DYNC1I2: variants seen among roughly 807,000 people sequenced by gnomAD.
DYNC1I2 encodes the protein dynein cytoplasmic 1 intermediate chain 2, also known as cytoplasmic dynein 1 intermediate chain 2.
DYNC1I2 carries 53 observed loss-of-function variants against 88.6 expected under a neutral mutation model. That is an observed-to-expected ratio of 0.60 (90% CI 0.48 to 0.75). The LOEUF (loss-of-function observed/expected upper bound fraction) is 0.75, where lower values mean the gene tolerates loss of function less well. Among genes scored for constraint, DYNC1I2 ranks in the 30% least tolerant of loss-of-function variants. DYNC1I2 has a pLI of 0.00. For synonymous variants in DYNC1I2, 198 were observed against 254.6 expected, an observed-to-expected ratio of 0.78 and a Z score of 2.12; for missense variants, 458 against 766.6, an observed-to-expected ratio of 0.60 and a Z score of 4.75.
chr2:171,745,852 G>T lies in DYNC1I2; in HGVS notation c.1728G>T (p.Val576=). 2 of 1,613,874 alleles carry T rather than the reference G, an allele frequency of 1.2e-6. No homozygotes were observed. Among genetic ancestry groups the T allele is most frequent in the South Asian group, 2.2e-5 (2 of 91,074 alleles). The change falls in exon 17 of 18, where the codon GTG becomes GTT. Residue 576 remains valine, a synonymous_variant. Transcript: ENST00000397119. ...AGGGTAATCCTGCTCTTAATCGTGTGAGATGGACCCATTCTGGCAGAGAGA... is the reference window on the plus strand; with the variant it reads ...AGGGTAATCCTGCTCTTAATCGTGTTAGATGGACCCATTCTGGCAGAGAGA... ...SVEGNPALNR[V]RWTHSGREIA...
At chr2:171,713,922 C>T (rs1474688040) in intron 6 of DYNC1I2, among the ~76,000 whole-genome samples, 1 of 152,126 alleles carries the variant, frequency 6.6e-6, no homozygotes, top group Non-Finnish European at 1.5e-5. Flanking sequence ...GTATTACTTC[C>T]CTACCCACCT....
intron 4 of DYNC1I2, 59 bp from the exon 5 acceptor site, chr2:171,707,228 A>G (rs755428047): frequency 2.5e-6 from 4 of 1,612,510 alleles, no homozygotes; most frequent in Non-Finnish European, 1.7e-6. Flanking sequence ...TTGAAACGTC[A>G]TAAGCTGAGC....
chr2:171,714,528 C>T (rs1332257783), intron 6 of DYNC1I2, among the ~76,000 whole-genome samples: 1 of 152,068 alleles, frequency 6.6e-6, no homozygotes, highest in Non-Finnish European at 1.5e-5. Context: ...AGGATTTAAA[C>T]ATCTAATAAA....
In DYNC1I2 at chr2:171,728,552, A is replaced by G. The variant is rs549518790; in HGVS notation, c.1257+134A>G. On this transcript the variant is annotated intron_variant, in intron 13 of 17. Coordinates refer to ENST00000397119, the MANE Select transcript of DYNC1I2 (RefSeq NM_001378.3). ...GCTTATAAGCTGAAACGTGTTTAAT[A>G]TAAGTTTGTTTCATATATATATATT... 99 of 810,534 alleles carry G rather than the reference A, an allele frequency of 1.2e-4. No homozygotes were observed. In the African/African-American group the frequency reaches 1.7e-3, roughly 14 times the overall value. The allele number at this position is 810,534 out of a possible 1,614,324, so 50.2% of individuals were successfully genotyped here. A position where few individuals can be genotyped will look rare whatever the true frequency, so the allele number is the denominator to read the frequency against.
intron 7 of DYNC1I2, among the ~76,000 whole-genome samples, chr2:171,723,777 C>G (rs866232251): frequency 6.6e-6 from 1 of 152,086 alleles, no homozygotes; most frequent in African/African-American, 2.4e-5. Context: ...GTGTTCTTTC[C>G]CCTTTGCACC....
At chr2:171,726,698 C>A in intron 10 of DYNC1I2, 93 bp from the exon 11 acceptor site, 1 of 1,434,394 alleles carries the variant, frequency 7.0e-7, no homozygotes, top group Non-Finnish European at 9.4e-7. Context: ...TTTGTATTTG[C>A]AGAATAATAA....
chr2:171,739,696 C>CTTTT (rs201750115), intron 15 of DYNC1I2, among the ~76,000 whole-genome samples: 3 of 65,038 alleles, frequency 4.6e-5, no homozygotes, highest in African/African-American at 5.7e-5. Flanking sequence ...TGACATATCT[C>CTTTT]TTTTTTTTTT....
chr2:171,726,743 GTTCTTATTATGCATAGCA>G, intron 10 of DYNC1I2, 30 bp from the exon 11 acceptor site: 2 of 1,601,216 alleles, frequency 1.2e-6, no homozygotes, highest in Non-Finnish European at 1.7e-6. Flanking sequence ...TTATAAAACA[GTTCTTATTATGCATAGCA>G]TTTCTTTTCT....
intron 17 of DYNC1I2, among the ~76,000 whole-genome samples, chr2:171,747,444 C>A (rs1253402141): frequency 6.6e-6 from 1 of 151,646 alleles, no homozygotes; most frequent in African/African-American, 2.4e-5. Flanking sequence ...TGCAAGAATA[C>A]AGTAAAAAAA....
chr2:171,738,914 C>G (rs536827010), intron 15 of DYNC1I2, among the ~76,000 whole-genome samples: 1 of 152,090 alleles, frequency 6.6e-6, no homozygotes, highest in South Asian at 2.1e-4. Context: ...TTTGGGAGGC[C>G]AAGGCAGGTG....
intron 15 of DYNC1I2, 91 bp from the exon 16 acceptor site, chr2:171,743,958 G>GA (rs1386514679): frequency 8.6e-7 from 1 of 1,157,762 alleles, no homozygotes; most frequent in African/African-American, 1.6e-5. Context: ...CATACCTGTT[G>GA]AATGTATGTC....
At chr2:171,740,877 C>A (rs777811596) in intron 15 of DYNC1I2, among the ~76,000 whole-genome samples, 1 of 152,116 alleles carries the variant, frequency 6.6e-6, no homozygotes, top group Non-Finnish European at 1.5e-5. Context: ...CACAGAGGCA[C>A]GCCTAATTGC....
intron 7 of DYNC1I2, among the ~76,000 whole-genome samples, chr2:171,721,530 G>A (rs949268373): frequency 6.6e-6 from 1 of 152,064 alleles, no homozygotes; most frequent in Non-Finnish European, 1.5e-5. Context: ...AATATTAAAG[G>A]AAAATCATTC....
At chr2:171,691,384 T>C (rs1233480160) in intron 2 of DYNC1I2, among the ~76,000 whole-genome samples, 1 of 152,210 alleles carries the variant, frequency 6.6e-6, no homozygotes, top group African/African-American at 2.4e-5. Flanking sequence ...AAATACCTAG[T>C]GTAAGGTAGT....
At chr2:171,687,655 C>T (rs541293833) in intron 1 of DYNC1I2, 28 bp downstream of exon 1, 3 of 152,362 alleles carry the variant, frequency 2.0e-5, no homozygotes, top group Admixed American at 6.5e-5. Context: ...TACAATTCCT[C>T]GCAGCAGGGC....
At chr2:171,733,558 C>G (rs1688789155) in intron 15 of DYNC1I2, among the ~76,000 whole-genome samples, 2 of 127,402 alleles carry the variant, frequency 1.6e-5, no homozygotes, top group African/African-American at 2.9e-5. Flanking sequence ...TTGCATTTCT[C>G]TAATGATCAG....
chr2:171,729,363 A>G (rs1688457086), intron 14 of DYNC1I2, among the ~76,000 whole-genome samples: 1 of 152,182 alleles, frequency 6.6e-6, no homozygotes. Flanking sequence ...TTCATCTCAA[A>G]TATAGATCAC....
At chr2:171,741,358 G>A (rs566731875) in intron 15 of DYNC1I2, among the ~76,000 whole-genome samples, 1 of 152,266 alleles carries the variant, frequency 6.6e-6, no homozygotes. Context: ...CTGCCAAACT[G>A]TTTTTCAAGT....
chr2:171,734,113 C>T (rs114500122), intron 15 of DYNC1I2, among the ~76,000 whole-genome samples: 4,072 of 152,004 alleles, frequency 0.027, 62 homozygotes, highest in Middle Eastern at 0.038. Flanking sequence ...TGTAGGTGTG[C>T]GGTCTTATTT....
Sources: allele counts gnomAD v4.1 joint callset (sites outside exome capture counted in the v4.1 genomes callset), GRCh38; gene constraint gnomAD v4.1.1; transcripts MANE v1.5; gene names NCBI Gene and HGNC (gene_info 2026-07-23, HGNC 2026-07-21).